The following ARHGAP21 variants were observed in gnomAD, a reference collection of about 807,000 sequenced individuals.
ARHGAP21 encodes rho GTPase-activating protein 21.
A neutral mutation model predicts 164.6 loss-of-function variants in ARHGAP21; 38 were observed. The ratio of observed to expected loss-of-function variants is 0.23; its 90% CI spans 0.18 to 0.30. ARHGAP21 has a LOEUF of 0.30. Among genes scored for constraint, ARHGAP21 ranks in the 10% least tolerant of loss-of-function variants. The pLI is 1.00. For synonymous variants in ARHGAP21, 766 were observed against 857.9 expected (o/e 0.89, Z 1.87); for missense variants, 1,822 against 2,370.7 (o/e 0.77, Z 4.81).
intron 2 of ARHGAP21, among the ~76,000 whole-genome samples, chr10:24,676,481 C>CGTTT (rs1593255777): frequency 6.6e-6 from 1 of 152,026 alleles, no homozygotes; most frequent in African/African-American, 2.4e-5. Flanking sequence ...GGGAGTTAAA[C>CGTTT]AATGGGTACA....
At position 24,586,225 on chromosome 10, in the gene ARHGAP21, T is replaced by C. The variant is rs897505259; in HGVS notation, c.4183-119A>G. ...TATATCTACTAAAGCTCTGGAAGCA[T>C]TAACAGTGCAATTAGCTTTTTTTTT... On this transcript the variant is annotated intron_variant, in intron 25 of 25. Transcript: ENST00000396432. 28 of 1,292,368 alleles carry C rather than the reference T, an allele frequency of 2.2e-5. No individual in the cohort carries two copies. In the Admixed American group the frequency reaches 8.9e-4, roughly 41 times the overall value. The allele number at this position is 1,292,368 out of a possible 1,614,324, so 80.1% of individuals were successfully genotyped here. A position where few individuals can be genotyped will look rare whatever the true frequency, so the allele number is the denominator to read the frequency against.
At chr10:24,702,226 G>A (rs1565188776) in intron 2 of ARHGAP21, among the ~76,000 whole-genome samples, 1 of 149,362 alleles carries the variant, frequency 6.7e-6, no homozygotes, top group African/African-American at 2.5e-5. Context: ...CATTTCCCGG[G>A]TTCACGCCAT....
intron 2 of ARHGAP21, among the ~76,000 whole-genome samples, chr10:24,683,522 C>T (rs1056984113): frequency 4.0e-5 from 6 of 151,758 alleles, no homozygotes; most frequent in Admixed American, 6.6e-5. Context: ...GACAGAGTCT[C>T]GCTCTGTTGC....
At position 24,584,668 on chromosome 10, in the gene ARHGAP21, T is replaced by C. The variant is rs377253232; in HGVS notation, c.5621A>G (p.Gln1874Arg). Residue 1874 changes from glutamine to arginine, a missense_variant, in exon 26 of 26, where the codon CAG becomes CGG. Gln to Arg is a conservative substitution (Grantham distance 43). This residue lies in a region of ARHGAP21 where 165 missense variants were observed against 176.6 expected (regional missense o/e 0.93). Transcript: ENST00000396432. ...TTCTCGTGTGCTTGGGTTCTCTGTC[T>C]GGGGATCTCCGATTTCTCCTCTGCT... ...DLSRGEIGDP[Q>R]TENPSTREIA... 6.2e-7 allele frequency: 1 copy of C among 1,613,972 alleles called. No individual in the cohort carries two copies. Among genetic ancestry groups the C allele is most frequent in the Non-Finnish European group, 8.5e-7 (1 of 1,179,868 alleles).
intron 2 of ARHGAP21, among the ~76,000 whole-genome samples, chr10:24,679,597 A>G (rs1841582976): frequency 1.3e-5 from 2 of 152,174 alleles, no homozygotes; most frequent in South Asian, 4.1e-4. Context: ...TAAGTGATCC[A>G]TTTCTCCACA....
chr10:24,600,616 G>C, intron 14 of ARHGAP21, 30 bp downstream of exon 14: 1 of 1,602,908 alleles, frequency 6.2e-7, no homozygotes, highest in South Asian at 1.1e-5. Flanking sequence ...GAAAGGGTCA[G>C]ATTTCTCCAG....
At chr10:24,606,043 T>C (rs1038761321) in intron 11 of ARHGAP21, among the ~76,000 whole-genome samples, 1 of 152,110 alleles carries the variant, frequency 6.6e-6, no homozygotes, top group African/African-American at 2.4e-5. Flanking sequence ...ATAGAGATAT[T>C]AGAAAATGTA....
At chr10:24,614,306 C>A (rs2077385636) in intron 9 of ARHGAP21, among the ~76,000 whole-genome samples, 2 of 152,200 alleles carry the variant, frequency 1.3e-5, no homozygotes, top group East Asian at 1.9e-4. Context: ...GTTCAAAAGG[C>A]CTACAATTAC....
chr10:24,662,214 TC>T (rs1188524186), intron 4 of ARHGAP21, among the ~76,000 whole-genome samples: 1 of 152,354 alleles, frequency 6.6e-6, no homozygotes, highest in African/African-American at 2.4e-5. Context: ...CCTATATTTA[TC>T]TTCTAATTCT....
In ARHGAP21 at chr10:24,721,958, G is replaced by A. The variant is rs1265260568; in HGVS notation, c.-59C>T. On this transcript the variant is annotated 5_prime_UTR_variant, in exon 2 of 26. Transcript: ENST00000396432. Reference sequence around the variant, plus strand: ...TTGGAGTCCACATTGGACGTGGCGGGGAATGCCACCACACACCCGAAGGGG... The same window carrying A: ...TTGGAGTCCACATTGGACGTGGCGGAGAATGCCACCACACACCCGAAGGGG... 1.6e-5 allele frequency: 25 copies of A among 1,562,512 alleles called. No individual in the cohort carries two copies. The highest frequency in any genetic ancestry group is 2.2e-5 in the Non-Finnish European group (25 of 1,137,442).
Position 24,585,357 on chromosome 10 carries a change from G to A in ARHGAP21, c.4932C>T (p.Phe1644=), listed in dbSNP as rs753880730. 2 of 1,613,624 alleles carry A rather than the reference G, an allele frequency of 1.2e-6. No individual in the cohort carries two copies. The highest frequency in any genetic ancestry group is 1.1e-5 in the South Asian group (1 of 91,064). ...GCCTCTCTGAAGTCAAGGCTGTGGG[G>A]AACACGGGAAACTCGCTCTCGCTGT... The part of the protein sequence containing the change: ...ETDSESEFPV[F]PTALTSERLF... The change falls in exon 26 of 26, where the codon TTC becomes TTT. Residue 1644 remains phenylalanine (F), a synonymous_variant. Coordinates refer to ENST00000396432, the MANE Select transcript of ARHGAP21 (RefSeq NM_020824.4).
At chr10:24,632,999 G>C (rs982709740) in intron 6 of ARHGAP21, among the ~76,000 whole-genome samples, 5 of 152,192 alleles carry the variant, frequency 3.3e-5, no homozygotes, top group Non-Finnish European at 7.4e-5. Context: ...TAGAACAAAT[G>C]AGTTGAGGCT....
chr10:24,701,646 T>TGAC (rs1326574074), intron 2 of ARHGAP21, among the ~76,000 whole-genome samples: 1 of 152,108 alleles, frequency 6.6e-6, no homozygotes, highest in African/African-American at 2.4e-5. Flanking sequence ...TAGAGAAGAA[T>TGAC]GACTAGGGTT....
intron 4 of ARHGAP21, among the ~76,000 whole-genome samples, chr10:24,645,097 T>C (rs1435674702): frequency 6.6e-6 from 1 of 152,178 alleles, no homozygotes; most frequent in Non-Finnish European, 1.5e-5. Context: ...CCACAAGGCA[T>C]CTTTAACTGG....
intron 2 of ARHGAP21, 56 bp from the exon 3 acceptor site, chr10:24,670,453 T>TA: frequency 8.1e-7 from 1 of 1,229,042 alleles, no homozygotes; most frequent in Non-Finnish European, 1.1e-6. Context: ...CTTCCTCATC[T>TA]AAAAAAATTC....
chr10:24,693,303 T>C (rs1003339004), intron 2 of ARHGAP21, among the ~76,000 whole-genome samples: 3 of 152,112 alleles, frequency 2.0e-5, no homozygotes, highest in Admixed American at 6.5e-5. Context: ...AAGCCAACAA[T>C]AGAATTCCCA....
chr10:24,681,288 A>C (rs1436638997), intron 2 of ARHGAP21, among the ~76,000 whole-genome samples: 3 of 152,250 alleles, frequency 2.0e-5, no homozygotes, highest in Admixed American at 6.5e-5. Context: ...ATAGTTACTA[A>C]GTCATACTTA....
At chr10:24,657,198 G>A (rs1295557398) in intron 4 of ARHGAP21, among the ~76,000 whole-genome samples, 4 of 19,268 alleles carry the variant, frequency 2.1e-4, no homozygotes, top group East Asian at 1.5e-3. Context: ...CCCCTACTGG[G>A]AAGTGAGGAG....
At chr10:24,593,988 A>AAGTTG (rs1491341536) in intron 21 of ARHGAP21, among the ~76,000 whole-genome samples, 1 of 152,140 alleles carries the variant, frequency 6.6e-6, no homozygotes, top group Non-Finnish European at 1.5e-5. Flanking sequence ...CACTCTTCTC[A>AAGTTG]TAATCAATCC....
Sources: gnomAD v4.1 joint callset for allele counts (sites outside exome capture counted in the v4.1 genomes callset) on GRCh38, gnomAD v4.1.1 for gene constraint, gnomAD v4.1.1 regional missense constraint, MANE v1.5 for transcripts, NCBI Gene and HGNC (gene_info 2026-07-23, HGNC 2026-07-21) for gene names.